Variants in NEK11 observed in about 807,000 individuals in gnomAD.
The protein encoded by NEK11 is serine/threonine-protein kinase Nek11.
Under a neutral mutation model 80.7 loss-of-function variants are expected in NEK11, and 72 were observed. The observed-to-expected ratio is 0.89, with a 90% CI of 0.74 to 1.08. The LOEUF is 1.08. NEK11 is among the 50% of genes least tolerant of loss of function. The pLI is 0.00. For missense variants in NEK11, 764 were observed against 763.6 expected (o/e 1.00, Z -0.01); for synonymous variants, 251 against 260.7 (o/e 0.96, Z 0.36).
intron 17 of NEK11, among the ~76,000 whole-genome samples, chr3:131,286,535 C>T (rs956460869): frequency 2.0e-5 from 3 of 152,158 alleles, no homozygotes; most frequent in Non-Finnish European, 4.4e-5. Context: ...TAAATGGATA[C>T]AGCTGTTCCT....
intron 14 of NEK11, among the ~76,000 whole-genome samples, chr3:131,192,444 C>T (rs1247666865): frequency 6.6e-6 from 1 of 152,052 alleles, no homozygotes; most frequent in Non-Finnish European, 1.5e-5. Flanking sequence ...ATTATATACC[C>T]TCCAAAATTG....
chr3:131,055,947 G>A (rs1396392733), intron 3 of NEK11, among the ~76,000 whole-genome samples: 1 of 152,160 alleles, frequency 6.6e-6, no homozygotes. Context: ...GCAGGATACA[G>A]TATTCTTACT....
intron 17 of NEK11, among the ~76,000 whole-genome samples, chr3:131,301,111 T>G (rs1273877369): frequency 6.6e-6 from 1 of 152,142 alleles, no homozygotes; most frequent in African/African-American, 2.4e-5. Context: ...GTTAACTATA[T>G]TCCCAGGTGT....
At chr3:131,189,497 C>A (rs1371084128) in intron 14 of NEK11, among the ~76,000 whole-genome samples, 1 of 152,168 alleles carries the variant, frequency 6.6e-6, no homozygotes, top group Admixed American at 6.5e-5. Flanking sequence ...GGGTACTAAT[C>A]CCATTCATGA....
chr3:131,279,328 A>G (rs919754863), intron 17 of NEK11, among the ~76,000 whole-genome samples: 2 of 152,184 alleles, frequency 1.3e-5, no homozygotes, highest in East Asian at 3.8e-4. Context: ...AGACTTGGCA[A>G]CAAGAGCGAA....
At chr3:131,185,470 T>C (rs1409630828) in intron 14 of NEK11, among the ~76,000 whole-genome samples, 2 of 152,138 alleles carry the variant, frequency 1.3e-5, no homozygotes, top group East Asian at 3.9e-4. Flanking sequence ...CAGCTTTTAC[T>C]GGTTCAAAGA....
At chr3:131,339,679 C>T (rs2097256480) in intron 17 of NEK11, among the ~76,000 whole-genome samples, 1 of 152,208 alleles carries the variant, frequency 6.6e-6, no homozygotes, top group South Asian at 2.1e-4. Context: ...AGCTGCTTCC[C>T]TTCCCTAAGA....
rs375215350 is a variant in NEK11, at chr3:131,268,699, T to G, written c.1622-4779T>G. On this transcript the variant is annotated intron_variant, in intron 16 of 17. Transcript: ENST00000383366. ...CAGCCCAAACTCTCCTGTATTTGTC[T>G]GTCAACCCCTGCTGGGAGGTGTCTC... Among the ~76,000 whole-genome samples the G allele has an allele frequency of 3.5e-4, 53 of 152,316 alleles. 1 individual carries two copies. In the South Asian group the frequency reaches 0.011, roughly 30 times the overall value.
At chr3:131,052,276 A>G (rs1220148418) in intron 3 of NEK11, among the ~76,000 whole-genome samples, 1 of 151,736 alleles carries the variant, frequency 6.6e-6, no homozygotes, top group Non-Finnish European at 1.5e-5. Context: ...AATTTATTTA[A>G]CCATTTTCCT....
At chr3:131,275,702 T>G (rs931835768) in intron 17 of NEK11, among the ~76,000 whole-genome samples, 4 of 152,258 alleles carry the variant, frequency 2.6e-5, no homozygotes, top group African/African-American at 9.6e-5. Flanking sequence ...TTGTGTTTTC[T>G]CAGTTTCAAA....
At position 131,170,749 on chromosome 3, in the gene NEK11, G is replaced by A. The variant is rs185468738; in HGVS notation, c.1285-24G>A. 3.7e-5 allele frequency: 52 copies of A among 1,418,296 alleles called. No individual in the cohort carries two copies. The East Asian group carries it at 5.7e-4, about 16-fold the overall frequency. 87.9% of individuals were successfully genotyped at this position (1,418,296 alleles called of 1,614,324 possible). ...CTGTTTCCTTCTATCAGCATCTCATGAATTGTTAATTACCTTCCACAAGGA... is the reference window on the plus strand; with the variant it reads ...CTGTTTCCTTCTATCAGCATCTCATAAATTGTTAATTACCTTCCACAAGGA... On this transcript the variant is annotated intron_variant, in intron 13 of 17. Transcript: ENST00000383366.
intron 9 of NEK11, chr3:131,154,811 G>A (rs552649979): frequency 2.0e-6 from 1 of 498,834 alleles, no homozygotes; most frequent in Admixed American, 3.2e-5. Context: ...AGAGCAAGCA[G>A]TGCAAGATGA....
chr3:131,033,915 GAT>G lies in NEK11; in HGVS notation c.170+4039_170+4040del, dbSNP rs2065243936. Among the ~76,000 whole-genome samples the G allele has an allele frequency of 2.6e-5, 4 of 152,260 alleles. No homozygotes were observed. The South Asian group carries it at 8.3e-4, about 32-fold the overall frequency. On this transcript the variant is annotated intron_variant, in intron 3 of 17. Coordinates refer to ENST00000383366, the MANE Select transcript of NEK11 (RefSeq NM_024800.5). The stretch of plus-strand genomic sequence containing the variant: ...AACTGTTAAAATGTATGGTGAATGA[GAT>G]AGAGGTTTTTCCTTTATTATGCATC...
chr3:131,164,093 A>G (rs925137657), intron 11 of NEK11, among the ~76,000 whole-genome samples: 4 of 152,222 alleles, frequency 2.6e-5, no homozygotes, highest in Non-Finnish European at 5.9e-5. Flanking sequence ...TGATAAGCCA[A>G]GTAAGAATCT....
At chr3:131,028,256 T>C (rs1161535912) in intron 2 of NEK11, among the ~76,000 whole-genome samples, 1 of 152,242 alleles carries the variant, frequency 6.6e-6, no homozygotes, top group African/African-American at 2.4e-5. Context: ...ACTTATGTTC[T>C]GTTTTGAGGA....
intron 17 of NEK11, among the ~76,000 whole-genome samples, chr3:131,303,488 G>T (rs888939807): frequency 3.3e-5 from 5 of 152,070 alleles, no homozygotes; most frequent in African/African-American, 4.8e-5. Context: ...TTCATATTTA[G>T]CACTCCCTAA....
chr3:131,326,791 T>C (rs770148650), intron 17 of NEK11, among the ~76,000 whole-genome samples: 1 of 152,228 alleles, frequency 6.6e-6, no homozygotes, highest in Non-Finnish European at 1.5e-5. Context: ...TGCTCTGTGC[T>C]GTGGCTTGAA....
chr3:131,293,485 A>G (rs2096564728), intron 17 of NEK11, among the ~76,000 whole-genome samples: 1 of 151,958 alleles, frequency 6.6e-6, no homozygotes, highest in South Asian at 2.1e-4. Flanking sequence ...GTTGGATTTT[A>G]TTTGCAAATA....
intron 1 of NEK11, 48 bp downstream of exon 1, chr3:131,027,054 G>C (rs1344541443): frequency 6.6e-6 from 1 of 152,302 alleles, no homozygotes; most frequent in Non-Finnish European, 1.5e-5. Flanking sequence ...CCCTGCGAGG[G>C]GGAAGGTAAT....
Sources: allele counts gnomAD v4.1 joint callset (sites outside exome capture counted in the v4.1 genomes callset), GRCh38; gene constraint gnomAD v4.1.1; transcripts MANE v1.5; gene names NCBI Gene and HGNC (gene_info 2026-07-23, HGNC 2026-07-21).